Variants in DNM3 observed in about 807,000 individuals in gnomAD.
The protein encoded by DNM3 is dynamin 3.
A neutral mutation model predicts 101.6 loss-of-function variants in DNM3; 47 were observed. The ratio of observed to expected loss-of-function variants is 0.46; its 90% confidence interval spans 0.37 to 0.59. DNM3 has a LOEUF of 0.59. Ranked by LOEUF, DNM3 falls within the 20% of genes least tolerant of loss-of-function variation. The pLI, the probability that DNM3 is intolerant of heterozygous loss-of-function variation, is 0.00. For synonymous variants in DNM3, 385 were observed against 387.9 expected (o/e 0.99, Z 0.09); for missense variants, 849 against 1,085.7 (o/e 0.78, Z 3.06).
At chr1:172,270,068 C>T (rs1230712307) in intron 15 of DNM3, among the ~76,000 whole-genome samples, 3 of 151,962 alleles carry the variant, frequency 2.0e-5, no homozygotes, top group Admixed American at 6.6e-5. Flanking sequence ...AAAAAACTTA[C>T]GTCAAATAGT....
intron 2 of DNM3, among the ~76,000 whole-genome samples, chr1:171,950,389 T>G (rs2042442917): frequency 1.3e-5 from 2 of 152,138 alleles, no homozygotes; most frequent in Admixed American, 1.3e-4. Context: ...CAGTCAACCA[T>G]GAGATCATGA....
intron 14 of DNM3, among the ~76,000 whole-genome samples, chr1:172,179,870 T>C (rs1056638286): frequency 6.6e-6 from 1 of 152,042 alleles, no homozygotes; most frequent in Non-Finnish European, 1.5e-5. Flanking sequence ...GAGAGGTTAA[T>C]TAGATTTTCG....
At chr1:172,383,077 A>G (rs1362357178) in intron 18 of DNM3, among the ~76,000 whole-genome samples, 1 of 152,186 alleles carries the variant, frequency 6.6e-6, no homozygotes, top group Non-Finnish European at 1.5e-5. Context: ...TGGCATTTAA[A>G]GCACTGATTT....
At chr1:172,367,603 T>C (rs572170546) in intron 17 of DNM3, among the ~76,000 whole-genome samples, 40 of 151,978 alleles carry the variant, frequency 2.6e-4, no homozygotes, top group African/African-American at 9.6e-4. Flanking sequence ...ATAATAACCT[T>C]GAATATGAGT....
Position 172,236,637 on chromosome 1 carries a change from G to T in DNM3, c.1660-16936G>T, listed in dbSNP as rs151300271. ...AAAGGAAAAGGAGGGGAAGAAGAAG[G>T]GGGTAGAGAAGAGGACAGAGGGAGG... is the stretch of plus-strand genomic sequence containing the variant. On this transcript the variant is annotated intron_variant, in intron 14 of 20. Transcript: ENST00000627582. Among the ~76,000 whole-genome samples, 49 of 152,042 alleles carry T rather than the reference G, an allele frequency of 3.2e-4. 1 individual carries two copies. The East Asian group carries it at 8.1e-3, about 25-fold the overall frequency.
intron 17 of DNM3, among the ~76,000 whole-genome samples, chr1:172,378,551 G>A (rs2068731925): frequency 6.6e-6 from 1 of 151,976 alleles, no homozygotes; most frequent in South Asian, 2.1e-4. Context: ...TTGAATGTGG[G>A]AGGATCCAAA....
intron 2 of DNM3, among the ~76,000 whole-genome samples, chr1:171,961,282 G>A (rs1294982010): frequency 6.6e-6 from 1 of 152,070 alleles, no homozygotes; most frequent in African/African-American, 2.4e-5. Context: ...GAGGTAGAGG[G>A]CGGAAGGACA....
intron 17 of DNM3, among the ~76,000 whole-genome samples, chr1:172,326,964 A>G (rs1205265640): frequency 1.3e-5 from 2 of 152,104 alleles, no homozygotes; most frequent in African/African-American, 4.8e-5. Flanking sequence ...GGACTCTTAT[A>G]TTTTCCCCCA....
At chr1:172,354,112 T>TGTGTGTGAGAGAGAGAGA (rs138540712) in intron 17 of DNM3, among the ~76,000 whole-genome samples, 18 of 94,962 alleles carry the variant, frequency 1.9e-4, no homozygotes, top group African/African-American at 6.6e-4. Context: ...TGTGTGTGTG[T>TGTGTGTGAGAGAGAGAGA]GAGAGAGAGA....
intron 14 of DNM3, chr1:172,139,596 G>A (rs1268521999): frequency 6.6e-6 from 1 of 152,324 alleles, no homozygotes; most frequent in East Asian, 1.9e-4. Context: ...GCAGTTGTGA[G>A]CTTAAGTTAT....
chr1:172,209,618 A>G (rs1388887653), intron 14 of DNM3, among the ~76,000 whole-genome samples: 1 of 152,018 alleles, frequency 6.6e-6, no homozygotes, highest in African/African-American at 2.4e-5. Flanking sequence ...CAAGGGCCCA[A>G]TAGCAATGCA....
intron 1 of DNM3, among the ~76,000 whole-genome samples, chr1:171,861,216 G>C (rs1006157755): frequency 6.6e-6 from 1 of 152,044 alleles, no homozygotes; most frequent in Non-Finnish European, 1.5e-5. Flanking sequence ...CAAAATTCCA[G>C]ATGCCATTTT....
chr1:172,183,767 A>ATTTTTTTT (rs376245976), intron 14 of DNM3, among the ~76,000 whole-genome samples: 8 of 62,648 alleles, frequency 1.3e-4, no homozygotes, highest in African/African-American at 3.4e-4. Flanking sequence ...TGCCCAGCTA[A>ATTTTTTTT]TTTTTTTTTT....
intron 2 of DNM3, among the ~76,000 whole-genome samples, chr1:171,980,165 T>TTG (rs11371590): frequency 6.6e-6 from 1 of 150,512 alleles, no homozygotes; most frequent in African/African-American, 2.4e-5. Context: ...TTTTTTTTTT[T>TTG]GATTGCTAGA....
At chr1:172,204,830 T>C (rs1284703270) in intron 14 of DNM3, among the ~76,000 whole-genome samples, 1 of 152,094 alleles carries the variant, frequency 6.6e-6, no homozygotes, top group African/African-American at 2.4e-5. Context: ...CCACACCACA[T>C]TGTGATTATA....
chr1:172,408,061 G>A lies in DNM3; in HGVS notation c.*220G>A, dbSNP rs2071019982. ...TAACCTTTTAGAGGCTTTATATGTT[G>A]TACTGACCAAGGTAGGTTTGTATAG... is the stretch of plus-strand genomic sequence containing the variant. On this transcript the variant is annotated 3_prime_UTR_variant, in exon 21 of 21. Transcript: ENST00000627582. 1 of 1,390,344 alleles carries A rather than the reference G, an allele frequency of 7.2e-7. No homozygotes were observed. Among genetic ancestry groups the A allele is most frequent in the Non-Finnish European group, 9.3e-7 (1 of 1,070,878 alleles). 86.1% of individuals were successfully genotyped at this position (1,390,344 alleles called of 1,614,324 possible).
intron 2 of DNM3, among the ~76,000 whole-genome samples, chr1:171,960,930 G>A (rs1168027673): frequency 6.6e-6 from 1 of 152,084 alleles, no homozygotes; most frequent in African/African-American, 2.4e-5. Flanking sequence ...TGAGGATGAG[G>A]GTAAGGGAGG....
chr1:172,178,101 T>C (rs763182880), intron 14 of DNM3, among the ~76,000 whole-genome samples: 6 of 151,918 alleles, frequency 3.9e-5, no homozygotes, highest in Non-Finnish European at 7.4e-5. Context: ...CTGGATACTG[T>C]AGGCAATTGT....
intron 18 of DNM3, among the ~76,000 whole-genome samples, chr1:172,386,473 T>C (rs2069187188): frequency 6.6e-6 from 1 of 151,780 alleles, no homozygotes; most frequent in African/African-American, 2.4e-5. Flanking sequence ...TAGCTAACTA[T>C]GCAACCTCAT....
Sources: allele counts gnomAD v4.1 joint callset (sites outside exome capture counted in the v4.1 genomes callset), GRCh38; gene constraint gnomAD v4.1.1; transcripts MANE v1.5; gene names NCBI Gene and HGNC (gene_info 2026-07-23, HGNC 2026-07-21).